OCA2: variants seen among roughly 807,000 people sequenced by gnomAD.
OCA2 encodes OCA2 melanosomal transmembrane protein, also known as P protein.
A neutral mutation model predicts 100.2 loss-of-function variants in OCA2; 77 were observed. That is an observed-to-expected ratio of 0.77 (90% confidence interval 0.64 to 0.93). OCA2 has a LOEUF of 0.93. OCA2 is among the 40% of genes least tolerant of loss of function. The probability of loss-of-function intolerance (pLI) is 0.00; values close to 1 mark genes in which losing one functional copy is unlikely to be tolerated. For missense variants in OCA2, 1,062 were observed against 1,089.1 expected, an observed-to-expected ratio of 0.98 and a Z score of 0.35; for synonymous variants, 432 against 439.2, an observed-to-expected ratio of 0.98 and a Z score of 0.21.
intron 2 of OCA2, among the ~76,000 whole-genome samples, chr15:28,048,668 A>T (rs2043415391): frequency 6.6e-6 from 1 of 152,196 alleles, no homozygotes; most frequent in Non-Finnish European, 1.5e-5. Flanking sequence ...AAAAAAAAAT[A>T]GATAAATTGA....
chr15:27,873,574 G>A (rs1397621755), intron 19 of OCA2, among the ~76,000 whole-genome samples: 1 of 152,182 alleles, frequency 6.6e-6, no homozygotes, highest in East Asian at 1.9e-4. Flanking sequence ...GGTTGTGTGT[G>A]TATATGCCCC....
chr15:27,994,558 C>A (rs1426001658), intron 9 of OCA2, among the ~76,000 whole-genome samples: 1 of 152,226 alleles, frequency 6.6e-6, no homozygotes, highest in East Asian at 1.9e-4. Context: ...TCACTGCACT[C>A]CTCTCTGGTC....
chr15:27,825,341 C>T lies in OCA2; in HGVS notation c.2432+19618G>A, dbSNP rs552960483. 4.6e-5 allele frequency among the ~76,000 whole-genome samples: 7 copies of T among 152,284 alleles called. No homozygotes were observed. In the South Asian group the frequency reaches 1.2e-3, roughly 27 times the overall value. On this transcript the variant is annotated intron_variant, in intron 23 of 23. Coordinates refer to ENST00000354638, the MANE Select transcript of OCA2 (RefSeq NM_000275.3). ...CACAGTTTCCATCCTGAAGGGCTCC[C>T]CCCTTGTAGACAAGCCATTTCAACT...
chr15:28,063,126 A>T (rs2043924825), intron 2 of OCA2, among the ~76,000 whole-genome samples: 1 of 152,166 alleles, frequency 6.6e-6, no homozygotes, highest in South Asian at 2.1e-4. Flanking sequence ...AATAGTAAGT[A>T]TATCTTCTTG....
At chr15:27,841,565 G>T (rs957233161) in intron 23 of OCA2, among the ~76,000 whole-genome samples, 1 of 152,162 alleles carries the variant, frequency 6.6e-6, no homozygotes. Context: ...AGATAAAAAT[G>T]GAGCTAAAGT....
chr15:27,879,379 A>C lies in OCA2; in HGVS notation c.2080-7457T>G, dbSNP rs183079476. Among the ~76,000 whole-genome samples the C allele has an allele frequency of 3.2e-3, 489 of 152,212 alleles. 2 individuals are homozygous for C. The highest frequency in any genetic ancestry group is 0.011 in the African/African-American group (471 of 41,534). On this transcript the variant is annotated intron_variant, in intron 19 of 23. Coordinates refer to ENST00000354638, the MANE Select transcript of OCA2 (RefSeq NM_000275.3). ...CCTTTGGGTATATACCCAGCAATGG[A>C]ATTGCTGGGTCAAATGGTATTTTGG...
chr15:27,792,503 A>C (rs913581929), intron 23 of OCA2, among the ~76,000 whole-genome samples: 11 of 152,136 alleles, frequency 7.2e-5, no homozygotes, highest in African/African-American at 2.7e-4. Context: ...CAGTCTGCAC[A>C]GTCCTTCCTG....
intron 9 of OCA2, among the ~76,000 whole-genome samples, chr15:27,995,392 T>TA (rs894062182): frequency 6.6e-6 from 1 of 152,240 alleles, no homozygotes; most frequent in Admixed American, 6.5e-5. Flanking sequence ...TTATTTCTTT[T>TA]AAAAAAAATT....
At chr15:27,938,045 T>A (rs1013402351) in intron 18 of OCA2, among the ~76,000 whole-genome samples, 1 of 152,208 alleles carries the variant, frequency 6.6e-6, no homozygotes, top group South Asian at 2.1e-4. Context: ...TATGCATGAA[T>A]AGACTGTAAG....
At chr15:27,794,821 T>C (rs76080717) in intron 23 of OCA2, among the ~76,000 whole-genome samples, 1,614 of 152,322 alleles carry the variant, frequency 0.011, 31 homozygotes, top group African/African-American at 0.037. Flanking sequence ...GGTCATGTTT[T>C]GGAGGATCTA....
At chr15:27,992,743 T>C (rs1434050872) in intron 9 of OCA2, among the ~76,000 whole-genome samples, 1 of 152,224 alleles carries the variant, frequency 6.6e-6, no homozygotes, top group Non-Finnish European at 1.5e-5. Context: ...AAGCCAGCCC[T>C]GTGACCTCAC....
At chr15:28,053,469 AGTGACCCTGGCTGATTCCAAGCATTTCT>A (rs1291783007) in intron 2 of OCA2, among the ~76,000 whole-genome samples, 1 of 152,144 alleles carries the variant, frequency 6.6e-6, no homozygotes, top group Non-Finnish European at 1.5e-5. Flanking sequence ...AGGCCCTCAA[AGTGACCCTGGCTGATTCCAAGCATTTCT>A]CAAGGCATCA....
At chr15:27,918,712 A>G (rs1459637885) in intron 19 of OCA2, among the ~76,000 whole-genome samples, 2 of 152,208 alleles carry the variant, frequency 1.3e-5, no homozygotes, top group African/African-American at 2.4e-5. Flanking sequence ...TGACTTATCA[A>G]TATGAATAAA....
intron 21 of OCA2, among the ~76,000 whole-genome samples, chr15:27,856,267 A>G (rs1412382314): frequency 1.3e-5 from 2 of 152,236 alleles, no homozygotes; most frequent in Non-Finnish European, 2.9e-5. Flanking sequence ...GTAAGGTTAC[A>G]TTCCAAAGTA....
intron 19 of OCA2, among the ~76,000 whole-genome samples, chr15:27,919,348 C>T (rs1196146774): frequency 6.6e-6 from 1 of 152,018 alleles, no homozygotes; most frequent in Non-Finnish European, 1.5e-5. Context: ...TTTAAAATTG[C>T]CAAAACTTGG....
chr15:27,961,083 A>C (rs1212474615), intron 15 of OCA2, among the ~76,000 whole-genome samples: 1 of 152,202 alleles, frequency 6.6e-6, no homozygotes, highest in African/African-American at 2.4e-5. Context: ...CAGAACCTAC[A>C]AAGAACTTAA....
chr15:27,851,554 C>A (rs1020648124), intron 21 of OCA2, 79 bp from the exon 22 acceptor site: 4 of 1,129,072 alleles, frequency 3.5e-6, no homozygotes, highest in Non-Finnish European at 5.3e-6. Flanking sequence ...TTTAGAAAAT[C>A]CAAATGCTTT....
At chr15:27,983,007 T>C (rs1015331455) in intron 14 of OCA2, among the ~76,000 whole-genome samples, 4 of 152,168 alleles carry the variant, frequency 2.6e-5, no homozygotes, top group Admixed American at 2.6e-4. Flanking sequence ...ATATCTCCAG[T>C]GAGAGGGAAC....
chr15:27,988,107 T>C (rs901961794), intron 11 of OCA2, among the ~76,000 whole-genome samples: 5 of 151,880 alleles, frequency 3.3e-5, no homozygotes, highest in African/African-American at 9.7e-5. Flanking sequence ...TTTTACACAT[T>C]TGCTGACAGA....
Sources: gnomAD v4.1 joint callset for allele counts (sites outside exome capture counted in the v4.1 genomes callset) on GRCh38, gnomAD v4.1.1 for gene constraint, MANE v1.5 for transcripts, NCBI Gene and HGNC (gene_info 2026-07-23, HGNC 2026-07-21) for gene names.